ATR: variants seen among roughly 807,000 people sequenced by gnomAD.
ATR encodes ATR checkpoint kinase, also known as serine/threonine-protein kinase ATR.
In ATR, 142 loss-of-function variants were observed where a neutral mutation model predicts 305.3. That is an observed-to-expected ratio of 0.47 (90% CI 0.41 to 0.53). The LOEUF (loss-of-function observed/expected upper bound fraction) is 0.53, where lower values mean the gene tolerates loss of function less well. ATR is among the 20% of genes least tolerant of loss of function. ATR has a pLI of 0.00. For synonymous variants in ATR, 1,050 were observed against 1,068.1 expected, an observed-to-expected ratio of 0.98 and a Z score of 0.33; for missense variants, 2,135 against 3,133.1, an observed-to-expected ratio of 0.68 and a Z score of 7.60.
chr3:142,472,909 G>A (rs1296095491), intron 36 of ATR, among the ~76,000 whole-genome samples: 2 of 152,066 alleles, frequency 1.3e-5, no homozygotes, highest in Non-Finnish European at 1.5e-5. Context: ...CAAAGTGCTG[G>A]GATTACATGC....
rs867762295 is a variant in ATR, at chr3:142,465,205, C to T, written c.6933G>A (p.Lys2311=). Residue 2311 remains lysine (K), a synonymous_variant, in exon 41 of 47, where the codon AAG becomes AAA. Transcript: ENST00000350721. The stretch of plus-strand genomic sequence containing the variant: ...TTCCATCTGAGCCTTTTAAAGAAAT[C>T]TTCTTTGGTTTCTGAAGAGAAGCAA... ...EILASLQKPK[K]ISLKGSDGKF... 1 of 1,610,556 alleles carries T rather than the reference C, an allele frequency of 6.2e-7. No individual in the cohort carries two copies. Among genetic ancestry groups the T allele is most frequent in the South Asian group, 1.1e-5 (1 of 90,886 alleles).
At chr3:142,466,269 T>C (rs1409605003) in intron 40 of ATR, 55 bp downstream of exon 40, 6 of 1,519,442 alleles carry the variant, frequency 3.9e-6, no homozygotes, top group Non-Finnish European at 5.5e-6. Flanking sequence ...TATCTTAATT[T>C]GAAGTTTTTA....
rs2108395565 is a variant in ATR at position 142,522,747 on chromosome 3, G to C, written c.4247C>G (p.Ser1416Ter). Reference protein sequence around the residue: ...AYADNSRAQDSAAYAIQELLS... With the variant: ...AYADNSRAQD The stretch of plus-strand genomic sequence containing the variant: ...TCTTACCTGAATGGCATAGGCAGCT[G>C]AATCTTGAGCTCGGCTATTATCAGC... The change falls in exon 23 of 47, where the codon TCA becomes TGA. Residue 1416 changes from serine (S) to a stop codon, truncating the protein, a stop_gained. Coordinates refer to ENST00000350721, the MANE Select transcript of ATR (RefSeq NM_001184.4). LOFTEE classifies it high-confidence loss of function. 2.5e-6 allele frequency: 4 copies of C among 1,613,066 alleles called. No individual in the cohort carries two copies. Among genetic ancestry groups the C allele is most frequent in the Non-Finnish European group, 3.4e-6 (4 of 1,179,220 alleles).
At chr3:142,457,224 A>C (rs2070927102) in intron 45 of ATR, among the ~76,000 whole-genome samples, 1 of 152,238 alleles carries the variant, frequency 6.6e-6, no homozygotes, top group South Asian at 2.1e-4. Flanking sequence ...CATTTATATG[A>C]AATGTCCTGA....
intron 21 of ATR, among the ~76,000 whole-genome samples, chr3:142,526,501 G>A (rs1056725111): frequency 6.6e-6 from 1 of 151,470 alleles, no homozygotes; most frequent in Non-Finnish European, 1.5e-5. Context: ...TTAAGTATGT[G>A]TATATATGTA....
At position 142,540,938 on chromosome 3, in the gene ATR, G is replaced by A. The variant is rs2108438046; in HGVS notation, c.3547C>T (p.Arg1183Ter). 3 of 1,612,658 alleles carry A rather than the reference G, an allele frequency of 1.9e-6. No individual in the cohort carries two copies. Among genetic ancestry groups the A allele is most frequent in the Non-Finnish European group, 2.5e-6 (3 of 1,179,610 alleles). Residue 1183 changes from arginine to a stop codon, truncating the protein, a stop_gained, in exon 18 of 47, where the codon CGA becomes TGA. Coordinates refer to ENST00000350721, the MANE Select transcript of ATR (RefSeq NM_001184.4). LOFTEE classifies it high-confidence loss of function. ...AATTCAGGAAAATCATCCTTGAATC[G>A]AAGGCCAGTTCTCAGTGTGGTCATC... ...KMMTTLRTGL[R>*]FKDDFPELCC...
chr3:142,549,029 CAAAAAAAAGAAGCACAGGTTAT>C (rs1282760735), intron 15 of ATR, among the ~76,000 whole-genome samples: 2 of 149,196 alleles, frequency 1.3e-5, no homozygotes, highest in Non-Finnish European at 3.0e-5. Context: ...AATATGACAC[CAAAAAAAAGAAGCACAGGTTAT>C]AATTTTAAAT....
At chr3:142,454,270 C>G (rs2070854061) in intron 45 of ATR, among the ~76,000 whole-genome samples, 1 of 152,178 alleles carries the variant, frequency 6.6e-6, no homozygotes, top group Non-Finnish European at 1.5e-5. Context: ...ACTTTATTAA[C>G]TTTTAAGGTC....
chr3:142,499,755 T>C (rs1302626481), intron 30 of ATR, 37 bp from the exon 31 acceptor site: 2 of 1,558,058 alleles, frequency 1.3e-6, no homozygotes, highest in African/African-American at 1.4e-5. Context: ...AACTTTAATT[T>C]ATTTAAGGTG....
At chr3:142,498,920 G>C in intron 31 of ATR, 146 bp from the exon 32 acceptor site, 1 of 793,484 alleles carries the variant, frequency 1.3e-6, no homozygotes, top group Non-Finnish European at 2.1e-6. Context: ...TCACTCTGTG[G>C]TCCAGGATAG....
rs190540420 is a variant in ATR, at chr3:142,514,221, C to A, written c.4504-583G>T. On this transcript the variant is annotated intron_variant, in intron 25 of 46. Transcript: ENST00000350721. ...CCGGGAGGCGGAGGTTGCAGTGAGC[C>A]GAGACTGCACTCCAGCCTGAGTGAC... Among the ~76,000 whole-genome samples the A allele has an allele frequency of 4.1e-5, 6 of 147,924 alleles. No individual in the cohort carries two copies. In the East Asian group the frequency reaches 1.2e-3, roughly 30 times the overall value.
At chr3:142,548,486 T>C (rs2034351206) in intron 15 of ATR, among the ~76,000 whole-genome samples, 1 of 152,110 alleles carries the variant, frequency 6.6e-6, no homozygotes, top group African/African-American at 2.4e-5. Flanking sequence ...CTGGCCAACA[T>C]GGTGAAACCC....
At chr3:142,472,965 GTTGT>G (rs1223096883) in intron 36 of ATR, among the ~76,000 whole-genome samples, 1 of 152,034 alleles carries the variant, frequency 6.6e-6, no homozygotes, top group Non-Finnish European at 1.5e-5. Flanking sequence ...TTACTATTAA[GTTGT>G]TTGAGTTCCT....
chr3:142,505,497 ATTCTTAC>A (rs763970480), intron 28 of ATR, among the ~76,000 whole-genome samples, 194 bp from the exon 29 acceptor site: 17 of 152,148 alleles, frequency 1.1e-4, no homozygotes, highest in Non-Finnish European at 2.5e-4. Flanking sequence ...TTCCCTCAAC[ATTCTTAC>A]TCCTTTTAAA....
chr3:142,472,922 G>A (rs1359208693), intron 36 of ATR, among the ~76,000 whole-genome samples: 1 of 152,188 alleles, frequency 6.6e-6, no homozygotes, highest in East Asian at 1.9e-4. Context: ...TTACATGCAT[G>A]AGCCACCATG....
intron 1 of ATR, among the ~76,000 whole-genome samples, chr3:142,569,261 T>C (rs1257246542): frequency 6.6e-6 from 1 of 152,166 alleles, no homozygotes; most frequent in East Asian, 1.9e-4. Context: ...TGGACAAGGG[T>C]TCCAATTTCT....
chr3:142,533,977 A>T (rs2033758381), intron 21 of ATR, among the ~76,000 whole-genome samples: 1 of 152,130 alleles, frequency 6.6e-6, no homozygotes, highest in African/African-American at 2.4e-5. Context: ...TTAGTTATTT[A>T]TATCTAGGAA....
intron 39 of ATR, 41 bp from the exon 40 acceptor site, chr3:142,466,574 A>C (rs751894774): frequency 1.2e-5 from 18 of 1,540,064 alleles, no homozygotes; most frequent in Non-Finnish European, 1.4e-5. Context: ...TTTTTACCTT[A>C]AATTCCACTA....
chr3:142,473,141 C>G (rs549264667), intron 36 of ATR, among the ~76,000 whole-genome samples: 2 of 152,240 alleles, frequency 1.3e-5, no homozygotes, highest in African/African-American at 4.8e-5. Context: ...GTTGGCTGTG[C>G]TTTTTGGTTC....
Sources: gnomAD v4.1 joint callset for allele counts (sites outside exome capture counted in the v4.1 genomes callset) on GRCh38, gnomAD v4.1.1 for gene constraint, MANE v1.5 for transcripts, NCBI Gene and HGNC (gene_info 2026-07-23, HGNC 2026-07-21) for gene names.